Variants in NECTIN3 observed in about 807,000 individuals in gnomAD.
The protein encoded by NECTIN3 is nectin cell adhesion molecule 3, also known as nectin-3.
A neutral mutation model predicts 49.4 loss-of-function variants in NECTIN3; 8 were observed. The ratio of observed to expected loss-of-function variants is 0.16; its 90% CI spans 0.10 to 0.29. NECTIN3 has a LOEUF of 0.29. Ranked by LOEUF, NECTIN3 falls within the 10% of genes least tolerant of loss-of-function variation. NECTIN3 has a pLI of 1.00. For missense variants in NECTIN3, 581 were observed against 654.6 expected (o/e 0.89, Z 1.23); for synonymous variants, 277 against 241.1 (o/e 1.15, Z -1.38).
rs752708825 is a variant in NECTIN3 at position 111,112,183 on chromosome 3, A to G, written c.314A>G (p.His105Arg). ...AAAAGTTCACAGACTGTTGCAGTTC[A>G]CCATCCCCAATATGGATTCTCTGTT... ...HGKSSQTVAV[H>R]HPQYGFSVQG... is the part of the protein sequence containing the mutation. The change falls in exon 2 of 6, where the codon CAC (histidine) becomes CGC (arginine). Residue 105 changes from histidine to arginine, a missense_variant. Around this residue, in one of 3 missense-constraint regions of NECTIN3, gnomAD observed 234 missense variants for 340.6 expected, o/e 0.69. Transcript: ENST00000485303. The G allele has an allele frequency of 6.2e-7, 1 of 1,613,944 alleles. No individual in the cohort carries two copies. The highest frequency in any genetic ancestry group is 1.1e-5 in the South Asian group (1 of 91,076).
At chr3:111,129,299 C>T (rs2034290688) in intron 5 of NECTIN3, among the ~76,000 whole-genome samples, 3 of 152,026 alleles carry the variant, frequency 2.0e-5, no homozygotes, top group Non-Finnish European at 2.9e-5. Flanking sequence ...CTCTTTAGCA[C>T]GTATTGCCAT....
At chr3:111,122,077 C>T (rs1559792468) in intron 3 of NECTIN3, 44 bp from the exon 4 acceptor site, 1 of 1,273,786 alleles carries the variant, frequency 7.9e-7, no homozygotes, top group Non-Finnish European at 1.1e-6. Flanking sequence ...TTGCATTTAT[C>T]ATTAACAAAA....
At position 111,133,693 on chromosome 3, in the gene NECTIN3, C is replaced by G. The variant is rs372940527; in HGVS notation, c.1128C>G (p.Asp376Glu). Reference sequence around the variant, plus strand: ...TTCAGTGGCATCCCTCAACTGCTGACATCGAGGATCTAGCAACAGAACCTA... The same window carrying G: ...TTCAGTGGCATCCCTCAACTGCTGAGATCGAGGATCTAGCAACAGAACCTA... ...PTIQWHPSTA[D>E]IEDLATEPKK... is the part of the protein sequence containing the mutation. Residue 376 changes from aspartate (D) to glutamate (E), a missense_variant, in exon 6 of 6, where the codon GAC (aspartate) becomes GAG (glutamate). Physicochemically the swap from Asp to Glu is conservative, Grantham distance 45 (BLOSUM62 2). Coordinates refer to ENST00000485303, the MANE Select transcript of NECTIN3 (RefSeq NM_015480.3). 6.8e-6 allele frequency: 11 copies of G among 1,613,884 alleles called. No individual in the cohort carries two copies. The highest frequency in any genetic ancestry group is 9.3e-6 in the Non-Finnish European group (11 of 1,179,852).
At chr3:111,169,183 G>A (rs564715749) in intron 7 of NECTIN3, among the ~76,000 whole-genome samples, 3 of 146,220 alleles carry the variant, frequency 2.1e-5, no homozygotes, top group Non-Finnish European at 4.4e-5. Flanking sequence ...TCCACCTCGT[G>A]GGTTCACGCC....
At chr3:111,100,209 C>T (rs1242009171) in intron 1 of NECTIN3, among the ~76,000 whole-genome samples, 2 of 152,014 alleles carry the variant, frequency 1.3e-5, no homozygotes, top group Non-Finnish European at 2.9e-5. Flanking sequence ...TGTGGGTATA[C>T]AAATTTTTAC....
At chr3:111,108,750 G>A (rs1025180695) in intron 1 of NECTIN3, among the ~76,000 whole-genome samples, 4 of 152,046 alleles carry the variant, frequency 2.6e-5, no homozygotes, top group Non-Finnish European at 4.4e-5. Flanking sequence ...GGGGAAGTGC[G>A]AGCCTCTTTT....
chr3:111,112,611 G>A (rs112877555), intron 2 of NECTIN3, among the ~76,000 whole-genome samples: 5 of 151,914 alleles, frequency 3.3e-5, no homozygotes, highest in Admixed American at 1.3e-4. Context: ...GTTTCTTTAT[G>A]AAAGATAGTG....
intron 1 of NECTIN3, among the ~76,000 whole-genome samples, chr3:111,109,434 C>T (rs1483089910): frequency 2.0e-5 from 3 of 152,006 alleles, no homozygotes; most frequent in Non-Finnish European, 2.9e-5. Context: ...TGTTATTTGA[C>T]AAAATATACA....
chr3:111,089,624 T>C (rs2032140465), intron 1 of NECTIN3, among the ~76,000 whole-genome samples: 1 of 152,156 alleles, frequency 6.6e-6, no homozygotes, highest in Admixed American at 6.5e-5. Flanking sequence ...CTGATTTTTG[T>C]TTTAACATTG....
intron 7 of NECTIN3, among the ~76,000 whole-genome samples, chr3:111,171,670 T>G (rs1051521981): frequency 2.6e-5 from 4 of 151,764 alleles, no homozygotes; most frequent in Admixed American, 1.3e-4. Context: ...TTTATAGAGA[T>G]ATTATATGAC....
At chr3:111,099,556 CAATA>C (rs1444810340) in intron 1 of NECTIN3, among the ~76,000 whole-genome samples, 3 of 152,114 alleles carry the variant, frequency 2.0e-5, no homozygotes, top group African/African-American at 7.2e-5. Flanking sequence ...GAGTGAAAAT[CAATA>C]AATATTTGAA....
chr3:111,184,043 T>C (rs1020612615), intron 7 of NECTIN3, among the ~76,000 whole-genome samples: 1 of 152,332 alleles, frequency 6.6e-6, no homozygotes, highest in Admixed American at 6.5e-5. Context: ...TTTCAGCCTT[T>C]TTTCCCTCTG....
intron 1 of NECTIN3, among the ~76,000 whole-genome samples, chr3:111,086,483 A>G (rs181024346): frequency 6.6e-6 from 1 of 152,160 alleles, no homozygotes; most frequent in Non-Finnish European, 1.5e-5. Flanking sequence ...TCCATTTACT[A>G]TTTAGTCAGC....
chr3:111,080,300 C>T (rs2031508962), intron 1 of NECTIN3, among the ~76,000 whole-genome samples: 1 of 151,928 alleles, frequency 6.6e-6, no homozygotes, highest in Non-Finnish European at 1.5e-5. Flanking sequence ...GTAAAAGGAT[C>T]TGGGCATTGA....
intron 3 of NECTIN3, 84 bp from the exon 4 acceptor site, chr3:111,122,037 G>T: frequency 3.2e-6 from 3 of 944,110 alleles, no homozygotes; most frequent in Non-Finnish European, 4.9e-6. Flanking sequence ...CTAAGGCTTT[G>T]TCTATTATCT....
At position 111,134,415 on chromosome 3, in the gene NECTIN3, T is replaced by G; in HGVS notation, c.*200T>G. ...AAGCTGCTTTACAATTTTTTTTCAATGCTGTACTACTGTCTCAAGATTTAA... is the reference window on the plus strand; with the variant it reads ...AAGCTGCTTTACAATTTTTTTTCAAGGCTGTACTACTGTCTCAAGATTTAA... On this transcript the variant is annotated 3_prime_UTR_variant, in exon 6 of 6. Coordinates refer to ENST00000485303, the MANE Select transcript of NECTIN3 (RefSeq NM_015480.3). 7.6e-7 allele frequency: 1 copy of G among 1,318,100 alleles called. No individual in the cohort carries two copies. The allele number at this position is 1,318,100 out of a possible 1,614,324, so 81.7% of individuals were successfully genotyped here.
intron 1 of NECTIN3, among the ~76,000 whole-genome samples, chr3:111,078,124 G>C (rs755131333): frequency 6.6e-5 from 10 of 152,128 alleles, no homozygotes; most frequent in African/African-American, 1.4e-4. Flanking sequence ...AATGCACTTT[G>C]TATTCAAGTG....
intron 5 of NECTIN3, 126 bp from the exon 6 acceptor site, chr3:111,133,509 G>C: frequency 7.5e-7 from 1 of 1,338,202 alleles, no homozygotes; most frequent in Non-Finnish European, 9.9e-7. Context: ...AATTAAGAAT[G>C]AAAAACTATT....
chr3:111,097,647 C>G lies in NECTIN3; in HGVS notation c.161-14383C>G, dbSNP rs779817495. 2.2e-4 allele frequency among the ~76,000 whole-genome samples: 33 copies of G among 152,168 alleles called. 1 individual carries two copies. The highest frequency in any genetic ancestry group is 2.2e-3 in the Admixed American group (33 of 15,284). On this transcript the variant is annotated intron_variant, in intron 1 of 5. Transcript: ENST00000485303. ...TGTTAGTGAATAAGTCTCACAAGAT[C>G]TGATGGTTTTAAAAAGAGGAGATTC... is the stretch of plus-strand genomic sequence containing the variant.
Sources: allele counts gnomAD v4.1 joint callset (sites outside exome capture counted in the v4.1 genomes callset), GRCh38; gene constraint gnomAD v4.1.1; regional missense constraint gnomAD v4.1.1; transcripts MANE v1.5; gene names NCBI Gene and HGNC (gene_info 2026-07-23, HGNC 2026-07-21).